TECRL: variants seen among roughly 807,000 people sequenced by gnomAD.
TECRL encodes trans-2,3-enoyl-CoA reductase-like.
A neutral mutation model predicts 52.8 loss-of-function variants in TECRL; 63 were observed. That is an observed-to-expected ratio of 1.19 (90% CI 0.97 to 1.47). TECRL has a LOEUF of 1.47. Ranked by LOEUF, TECRL falls within the 40% of genes most tolerant of loss-of-function variation. The probability of loss-of-function intolerance (pLI) is 0.00; values close to 1 mark genes in which losing one functional copy is unlikely to be tolerated. For missense variants in TECRL, 482 were observed against 429.6 expected (o/e 1.12, Z -1.08); for synonymous variants, 164 against 141.9 (o/e 1.16, Z -1.10).
chr4:64,289,505 G>A (rs1717662938), intron 9 of TECRL, among the ~76,000 whole-genome samples: 1 of 152,040 alleles, frequency 6.6e-6, no homozygotes, highest in Non-Finnish European at 1.5e-5. Context: ...TAGCGTGCAT[G>A]CACACTTCAT....
chr4:64,315,456 T>C (rs1717432712), intron 4 of TECRL, among the ~76,000 whole-genome samples: 1 of 152,144 alleles, frequency 6.6e-6, no homozygotes, highest in Admixed American at 6.5e-5. Flanking sequence ...AGCTGTTTGA[T>C]TTTTTAGTGC....
At chr4:64,302,749 A>G (rs1023368956) in intron 7 of TECRL, among the ~76,000 whole-genome samples, 3 of 151,456 alleles carry the variant, frequency 2.0e-5, no homozygotes, top group Non-Finnish European at 4.4e-5. Context: ...GATATATTAA[A>G]ACAAAAATTA....
chr4:64,278,532 T>A lies in TECRL; in HGVS notation c.*1540A>T, dbSNP rs1299531862. On this transcript the variant is annotated 3_prime_UTR_variant, in exon 12 of 12. Coordinates refer to ENST00000381210, the MANE Select transcript of TECRL (RefSeq NM_001010874.5). Reference sequence around the variant, plus strand: ...TATTTGGGAGATACATAATAATGTTTCAATACATATAATTTATAGTGGTCA... The same window carrying A: ...TATTTGGGAGATACATAATAATGTTACAATACATATAATTTATAGTGGTCA... 2 of 179,114 alleles carry A rather than the reference T, an allele frequency of 1.1e-5. No individual in the cohort carries two copies. The highest frequency in any genetic ancestry group is 1.3e-4 in the Admixed American group (2 of 15,284). 11.1% of individuals were successfully genotyped at this position (179,114 alleles called of 1,614,324 possible). A position where few individuals can be genotyped will look rare whatever the true frequency, so the allele number is the denominator to read the frequency against.
chr4:64,375,224 C>A lies in TECRL; in HGVS notation c.235-1G>T. On this transcript the variant is annotated splice_acceptor_variant, in intron 1 of 11. Transcript: ENST00000381210. LOFTEE classifies it high-confidence loss of function. ...CATGAATAGTAGATGATTGTGTCAC[C>A]TGAAAAGGAAAAGAAAATAGAGTTA... The A allele has an allele frequency of 7.2e-7, 1 of 1,394,408 alleles. No homozygotes were observed. 86.4% of individuals were successfully genotyped at this position (1,394,408 alleles called of 1,614,324 possible). A position where few individuals can be genotyped will look rare whatever the true frequency, so the allele number is the denominator to read the frequency against.
chr4:64,399,396 A>G (rs146474057), intron 1 of TECRL, among the ~76,000 whole-genome samples: 1,585 of 152,318 alleles, frequency 0.01, 34 homozygotes, highest in African/African-American at 0.036. Context: ...AGAAAAAAAA[A>G]GAGTTTTTTG....
intron 2 of TECRL, among the ~76,000 whole-genome samples, chr4:64,335,211 C>A (rs1287235895): frequency 6.6e-6 from 1 of 152,154 alleles, no homozygotes; most frequent in South Asian, 2.1e-4. Flanking sequence ...GTGTTTACAG[C>A]CATTCCCCAT....
rs186293135 is a variant in TECRL, at chr4:64,356,094, A to C, written c.286+19078T>G. On this transcript the variant is annotated intron_variant, in intron 2 of 11. Transcript: ENST00000381210. ...TGTGCAGGATGTGCCTTGTTAACAA[A>C]ATGTTTACAAGCAGTATGCTTGGTA... Among the ~76,000 whole-genome samples, 962 of 152,240 alleles carry C rather than the reference A, an allele frequency of 6.3e-3. 8 individuals carry two copies. The highest frequency in any genetic ancestry group is 0.022 in the African/African-American group (911 of 41,548).
intron 6 of TECRL, among the ~76,000 whole-genome samples, chr4:64,307,559 C>T (rs1179863512): frequency 6.6e-6 from 1 of 152,094 alleles, no homozygotes; most frequent in Non-Finnish European, 1.5e-5. Context: ...CTAAGGGATG[C>T]CTTTTCTCCC....
At chr4:64,327,634 G>A (rs1304349794) in intron 3 of TECRL, among the ~76,000 whole-genome samples, 1 of 151,980 alleles carries the variant, frequency 6.6e-6, no homozygotes, top group Non-Finnish European at 1.5e-5. Context: ...GTGGCTCCTA[G>A]AAATCTTGCA....
chr4:64,328,586 C>G, intron 2 of TECRL, 30 bp from the exon 3 acceptor site: 1 of 1,592,616 alleles, frequency 6.3e-7, no homozygotes, highest in East Asian at 2.2e-5. Context: ...ATTTAATTGT[C>G]AGAAAAAGTG....
rs1201164990 is a variant in TECRL, at chr4:64,279,983, G to A, written c.*89C>T. On this transcript the variant is annotated 3_prime_UTR_variant, in exon 12 of 12. Transcript: ENST00000381210. ...GTGTATATACTGTTGCTCATGAATT[G>A]TTGGAGTATAATAGTTAACTATCCT... is the stretch of plus-strand genomic sequence containing the variant. The A allele has an allele frequency of 1.4e-6, 2 of 1,462,086 alleles. No homozygotes were observed. Among genetic ancestry groups the A allele is most frequent in the Non-Finnish European group, 1.8e-6 (2 of 1,104,274 alleles). The allele number at this position is 1,462,086 out of a possible 1,614,324, so 90.6% of individuals were successfully genotyped here.
intron 4 of TECRL, 38 bp from the exon 5 acceptor site, chr4:64,314,801 T>C: frequency 2.8e-6 from 4 of 1,426,964 alleles, no homozygotes; most frequent in African/African-American, 1.4e-5. Context: ...ACGATAAAAA[T>C]AGATGTTTTT....
chr4:64,303,801 C>A (rs1244386562), intron 7 of TECRL, among the ~76,000 whole-genome samples: 2 of 151,720 alleles, frequency 1.3e-5, no homozygotes, highest in Admixed American at 6.6e-5. Flanking sequence ...ATAGCTGTAT[C>A]TCATGTATAT....
At chr4:64,330,643 A>G (rs1560504565) in intron 2 of TECRL, among the ~76,000 whole-genome samples, 1 of 152,122 alleles carries the variant, frequency 6.6e-6, no homozygotes, top group Non-Finnish European at 1.5e-5. Flanking sequence ...TCTACCACAA[A>G]TAAAAGTTTA....
At chr4:64,326,469 G>A (rs1718269664) in intron 3 of TECRL, among the ~76,000 whole-genome samples, 1 of 151,966 alleles carries the variant, frequency 6.6e-6, no homozygotes, top group Non-Finnish European at 1.5e-5. Flanking sequence ...CCTTGAATAT[G>A]GGCTAACTAG....
At chr4:64,368,601 T>C (rs1328472471) in intron 2 of TECRL, among the ~76,000 whole-genome samples, 2 of 152,124 alleles carry the variant, frequency 1.3e-5, no homozygotes, top group East Asian at 3.9e-4. Flanking sequence ...GCCCTCATAA[T>C]TGTTTTTTAA....
intron 11 of TECRL, 50 bp downstream of exon 11, chr4:64,280,991 T>A (rs1722794198): frequency 5.1e-6 from 7 of 1,375,274 alleles, no homozygotes; most frequent in Non-Finnish European, 4.1e-6. Flanking sequence ...AAACCATTTA[T>A]CTTAAAGATG....
rs749648838 is a variant in TECRL, at chr4:64,299,964, T to C, written c.774+10A>G. 1 of 1,555,470 alleles carries C rather than the reference T, an allele frequency of 6.4e-7. No individual in the cohort carries two copies. The highest frequency in any genetic ancestry group is 1.2e-5 in the South Asian group (1 of 82,928). ...GAGCGTGAATAGCAAAATATATATA[T>C]GATACATACCAGAAAATTGATAGCA... On this transcript the variant is annotated intron_variant, in intron 8 of 11. Transcript: ENST00000381210.
At chr4:64,356,920 G>A (rs947652836) in intron 2 of TECRL, among the ~76,000 whole-genome samples, 1 of 152,066 alleles carries the variant, frequency 6.6e-6, no homozygotes, top group Admixed American at 6.6e-5. Flanking sequence ...ATTTACAGAT[G>A]CATTTGATAA....
Sources: allele counts gnomAD v4.1 joint callset (sites outside exome capture counted in the v4.1 genomes callset), GRCh38; gene constraint gnomAD v4.1.1; transcripts MANE v1.5; gene names NCBI Gene and HGNC (gene_info 2026-07-23, HGNC 2026-07-21).